PRKAR1B: variants seen among roughly 807,000 people sequenced by gnomAD.
PRKAR1B encodes protein kinase cAMP-dependent type I regulatory subunit beta.
PRKAR1B carries 22 observed loss-of-function variants against 46.5 expected under a neutral mutation model. That is an observed-to-expected ratio of 0.47 (90% CI 0.34 to 0.68). The LOEUF (loss-of-function observed/expected upper bound fraction) is 0.68, where lower values mean the gene tolerates loss of function less well. Ranked by LOEUF, PRKAR1B falls within the 30% of genes least tolerant of loss-of-function variation. The pLI is 0.01. For synonymous variants in PRKAR1B, 259 were observed against 217.7 expected (o/e 1.19, Z -1.67); for missense variants, 445 against 535.6 (o/e 0.83, Z 1.67).
chr7:561,721 T>A (rs1338095675), intron 9 of PRKAR1B, among the ~76,000 whole-genome samples: 2 of 152,202 alleles, frequency 1.3e-5, no homozygotes, highest in Non-Finnish European at 2.9e-5. Flanking sequence ...CCGCCCAAGG[T>A]CAGCTCCTGT....
chr7:654,437 CCAT>C (rs976740407), intron 4 of PRKAR1B, among the ~76,000 whole-genome samples: 12 of 151,808 alleles, frequency 7.9e-5, no homozygotes, highest in African/African-American at 2.4e-4. Flanking sequence ...ACTACTATCA[CCAT>C]CATCATCACC....
intron 4 of PRKAR1B, among the ~76,000 whole-genome samples, chr7:652,902 C>T (rs572313087): frequency 6.6e-6 from 1 of 152,328 alleles, no homozygotes; most frequent in East Asian, 1.9e-4. Flanking sequence ...GGCAGGCCTC[C>T]TCCCTCCCAT....
chr7:631,270 G>C (rs1783720716), intron 4 of PRKAR1B, among the ~76,000 whole-genome samples: 1 of 152,196 alleles, frequency 6.6e-6, no homozygotes, highest in South Asian at 2.1e-4. Flanking sequence ...TGGTTTTCAA[G>C]AGCAGTTGTT....
Position 607,503 on chromosome 7 carries a change from T to G in PRKAR1B, c.441-51A>C, listed in dbSNP as rs1273745248. 7 of 1,482,662 alleles carry G rather than the reference T, an allele frequency of 4.7e-6. No individual in the cohort carries two copies. In the South Asian group the frequency reaches 7.9e-5, roughly 17 times the overall value. 91.8% of individuals were successfully genotyped at this position (1,482,662 alleles called of 1,614,324 possible). A position where few individuals can be genotyped will look rare whatever the true frequency, so the allele number is the denominator to read the frequency against. ...GGGCTGCAGGCAGCACAGGGACATTTAAACCCTTCCTCCCCTCATTTCACA... is the reference window on the plus strand; with the variant it reads ...GGGCTGCAGGCAGCACAGGGACATTGAAACCCTTCCTCCCCTCATTTCACA... On this transcript the variant is annotated intron_variant, in intron 4 of 10. Transcript: ENST00000537384.
intron 4 of PRKAR1B, among the ~76,000 whole-genome samples, chr7:635,361 G>C (rs1783986118): frequency 6.6e-6 from 1 of 152,224 alleles, no homozygotes; most frequent in African/African-American, 2.4e-5. Context: ...CGCCCAGGCA[G>C]ACTGTGGCAT....
intron 9 of PRKAR1B, among the ~76,000 whole-genome samples, chr7:578,043 C>T (rs542914875): frequency 3.3e-4 from 50 of 152,346 alleles, no homozygotes; most frequent in African/African-American, 1.1e-3. Flanking sequence ...GGGGCGGGAG[C>T]GCCCGGGTGT....
intron 1 of PRKAR1B, among the ~76,000 whole-genome samples, chr7:726,223 G>A (rs555228982): frequency 1.6e-4 from 25 of 152,350 alleles, no homozygotes; most frequent in African/African-American, 5.8e-4. Flanking sequence ...CAGGCTGCAC[G>A]TGAAGCCCAG....
intron 7 of PRKAR1B, among the ~76,000 whole-genome samples, chr7:589,162 T>C (rs542003018): frequency 1.0e-3 from 158 of 151,500 alleles, no homozygotes; most frequent in African/African-American, 3.7e-3. Flanking sequence ...CCCATGCCCT[T>C]GGACTAGTCT....
At position 666,552 on chromosome 7, in the gene PRKAR1B, A is replaced by C. The variant is rs575784283; in HGVS notation, c.440+10677T>G. Among the ~76,000 whole-genome samples the C allele has an allele frequency of 1.8e-4, 27 of 152,288 alleles. 1 individual carries two copies. Among genetic ancestry groups the C allele is most frequent in the African/African-American group, 6.5e-4 (27 of 41,570 alleles). ...CTGTGCAGGTGCCGTCCCAGGGGAT[A>C]AGGACACCCCACTCCAGCCCCAGCT... is the stretch of plus-strand genomic sequence containing the variant. On this transcript the variant is annotated intron_variant, in intron 4 of 10. Coordinates refer to ENST00000537384, the MANE Select transcript of PRKAR1B (RefSeq NM_001164760.2). The surrounding 1 kb of genome is among the most constrained non-coding windows in gnomAD (Gnocchi z 4.9).
chr7:693,464 T>G (rs998448840), intron 2 of PRKAR1B, among the ~76,000 whole-genome samples: 10 of 147,634 alleles, frequency 6.8e-5, no homozygotes, highest in Non-Finnish European at 1.2e-4. Flanking sequence ...TCTGTGCAAC[T>G]GCCTGTTCCT....
Position 606,199 on chromosome 7 carries a change from T to C in PRKAR1B, c.543A>G (p.Glu181=). The C allele has an allele frequency of 6.2e-7, 1 of 1,613,934 alleles. No individual in the cohort carries two copies. Among genetic ancestry groups the C allele is most frequent in the Non-Finnish European group, 8.5e-7 (1 of 1,179,884 alleles). The change falls in exon 6 of 11, where the codon GAA becomes GAG. Residue 181 remains glutamate (E), a synonymous_variant. Coordinates refer to ENST00000537384, the MANE Select transcript of PRKAR1B (RefSeq NM_001164760.2). ...GDNFYVVDQG[E]VDVYVNGEWV... ...ACAAGTTAGCGACACTCACATCCAC[T>C]TCCCCTTGATCAACGACATAGAAGT...
upstream of PRKAR1B, chr7:727,291 G>A: frequency 2.3e-6 from 3 of 1,300,580 alleles, no homozygotes; most frequent in South Asian, 2.2e-5. Context: ...CAGCTGCGCC[G>A]CCGCCCTGGC....
rs1344198616 is a variant in PRKAR1B, at chr7:602,940, C to T, written c.549+3253G>A. Reference sequence around the variant, plus strand: ...GTCCCGAGTCCACGCGATCCTGACCCGTCCACCACCCTCCTCGAGACACGA... The same window carrying T: ...GTCCCGAGTCCACGCGATCCTGACCTGTCCACCACCCTCCTCGAGACACGA... On this transcript the variant is annotated intron_variant, in intron 6 of 10. Coordinates refer to ENST00000537384, the MANE Select transcript of PRKAR1B (RefSeq NM_001164760.2). The surrounding 1 kb of genome is among the most constrained non-coding windows in gnomAD (Gnocchi z 6.4). 1.3e-5 allele frequency among the ~76,000 whole-genome samples: 2 copies of T among 152,160 alleles called. No individual in the cohort carries two copies. The highest frequency in any genetic ancestry group is 4.8e-5 in the African/African-American group (2 of 41,434).
chr7:649,817 C>G (rs1156374318), intron 4 of PRKAR1B, among the ~76,000 whole-genome samples: 1 of 151,994 alleles, frequency 6.6e-6, no homozygotes, highest in East Asian at 1.9e-4. Flanking sequence ...CCCCCCATCT[C>G]AGCTTCCTGA....
At chr7:632,751 G>A (rs1011328552) in intron 4 of PRKAR1B, among the ~76,000 whole-genome samples, 46 of 152,296 alleles carry the variant, frequency 3.0e-4, no homozygotes, top group Middle Eastern at 3.4e-3. Context: ...TGAGCCCCCG[G>A]CACTGCCAGC....
At chr7:723,059 T>C (rs545446790) in intron 1 of PRKAR1B, among the ~76,000 whole-genome samples, 1 of 152,300 alleles carries the variant, frequency 6.6e-6, no homozygotes, top group South Asian at 2.1e-4. Flanking sequence ...CTGGGCCGCC[T>C]GGTGTCACTG....
chr7:715,907 G>A (rs553004416), intron 1 of PRKAR1B, among the ~76,000 whole-genome samples: 2 of 152,124 alleles, frequency 1.3e-5, no homozygotes, highest in East Asian at 1.9e-4. Flanking sequence ...AGTAGAGATG[G>A]GGTTTCACCG....
chr7:598,079 G>A (rs935223814), intron 6 of PRKAR1B, among the ~76,000 whole-genome samples: 6 of 152,176 alleles, frequency 3.9e-5, no homozygotes, highest in Non-Finnish European at 7.4e-5. Context: ...ATCCCTGTAC[G>A]TGACATGCAC....
chr7:640,718 C>T (rs1036277363), intron 4 of PRKAR1B, among the ~76,000 whole-genome samples: 6 of 150,198 alleles, frequency 4.0e-5, no homozygotes, highest in African/African-American at 1.5e-4. Flanking sequence ...AGCAGAGATC[C>T]CACCATTGCA....
Sources: allele counts gnomAD v4.1 joint callset (sites outside exome capture counted in the v4.1 genomes callset), GRCh38; gene constraint gnomAD v4.1.1; non-coding constraint Gnocchi (gnomAD v3.1); transcripts MANE v1.5; gene names NCBI Gene and HGNC (gene_info 2026-07-23, HGNC 2026-07-21).